Variants in HYDIN observed in about 807,000 individuals in gnomAD.
HYDIN encodes HYDIN axonemal central pair apparatus protein.
HYDIN carries 132 observed loss-of-function variants against 403.9 expected under a neutral mutation model. The observed-to-expected ratio is 0.33, with a 90% CI of 0.28 to 0.38. HYDIN has a LOEUF of 0.38. Among genes scored for constraint, HYDIN ranks in the 10% least tolerant of loss-of-function variants. HYDIN has a pLI of 1.00. For synonymous variants in HYDIN, 1,202 were observed against 1,891.7 expected, an observed-to-expected ratio of 0.64 and a Z score of 9.46; for missense variants, 2,827 against 5,009.5, an observed-to-expected ratio of 0.56 and a Z score of 13.15.
At chr16:70,808,626 A>C (rs2035257288) in intron 85 of HYDIN, among the ~76,000 whole-genome samples, 1 of 152,172 alleles carries the variant, frequency 6.6e-6, no homozygotes, top group Admixed American at 6.5e-5. Context: ...ACAAGCCTTC[A>C]TCTTAAGCCC....
intron 5 of HYDIN, among the ~76,000 whole-genome samples, chr16:71,170,063 G>A (rs996054825): frequency 2.6e-5 from 4 of 152,180 alleles, no homozygotes; most frequent in African/African-American, 2.4e-5. Context: ...CCCTGCTTCA[G>A]CCTATTCTCT....
chr16:71,209,077 G>T (rs2088447032), intron 1 of HYDIN, among the ~76,000 whole-genome samples: 1 of 151,594 alleles, frequency 6.6e-6, no homozygotes, highest in Non-Finnish European at 1.5e-5. Context: ...CCAAAACATG[G>T]CAGAGATACA....
chr16:71,011,310 G>T (rs1018317438), intron 23 of HYDIN, among the ~76,000 whole-genome samples: 1 of 152,152 alleles, frequency 6.6e-6, no homozygotes, highest in Non-Finnish European at 1.5e-5. Context: ...TGCAGCACAA[G>T]GTCACATGGC....
chr16:71,021,504 C>T (rs1369840462), intron 21 of HYDIN, among the ~76,000 whole-genome samples: 5 of 152,092 alleles, frequency 3.3e-5, no homozygotes, highest in Non-Finnish European at 5.9e-5. Context: ...TGTGAGCCAC[C>T]GCACCCGGCC....
At chr16:71,143,881 G>T (rs578133209) in intron 7 of HYDIN, among the ~76,000 whole-genome samples, 1 of 152,414 alleles carries the variant, frequency 6.6e-6, no homozygotes, top group South Asian at 2.1e-4. Context: ...CTATAAAGCT[G>T]CCGTGTGAAG....
At chr16:70,926,125 G>A (rs1461086955) in intron 45 of HYDIN, among the ~76,000 whole-genome samples, 1 of 148,196 alleles carries the variant, frequency 6.7e-6, no homozygotes, top group East Asian at 2.0e-4. Context: ...ATACCCAAAG[G>A]ACTATAAATC....
intron 1 of HYDIN, among the ~76,000 whole-genome samples, chr16:71,211,575 G>A (rs2088593496): frequency 6.7e-6 from 1 of 149,470 alleles, no homozygotes; most frequent in African/African-American, 2.5e-5. Flanking sequence ...CCGGGAGGCG[G>A]AGTTTGCAGT....
At chr16:71,013,938 T>TA (rs1285200989) in intron 23 of HYDIN, among the ~76,000 whole-genome samples, 1 of 103,942 alleles carries the variant, frequency 9.6e-6, no homozygotes, top group African/African-American at 4.1e-5. Flanking sequence ...TGGGAAGCCT[T>TA]AGCAAAAGAA....
At chr16:70,931,444 C>T (rs1798400) in intron 45 of HYDIN, among the ~76,000 whole-genome samples, 8 of 147,574 alleles carry the variant, frequency 5.4e-5, no homozygotes, top group South Asian at 2.1e-4. Context: ...TTGGCTGCTA[C>T]GCAACTGCTT....
chr16:71,126,125 T>C (rs113673460), intron 9 of HYDIN, among the ~76,000 whole-genome samples: 1 of 152,178 alleles, frequency 6.6e-6, no homozygotes, highest in African/African-American at 2.4e-5. Flanking sequence ...GGAACGCACA[T>C]GACCACCCCC....
chr16:71,139,661 G>C (rs2085091849), intron 7 of HYDIN, among the ~76,000 whole-genome samples: 1 of 151,736 alleles, frequency 6.6e-6, no homozygotes, highest in Non-Finnish European at 1.5e-5. Context: ...TGACAAATTA[G>C]TGAAATGGGA....
intron 75 of HYDIN, among the ~76,000 whole-genome samples, chr16:70,848,696 C>T (rs932249590): frequency 4.0e-5 from 4 of 99,468 alleles, no homozygotes; most frequent in Non-Finnish European, 8.1e-5. Flanking sequence ...GACACTCAGG[C>T]AGGCAGTTGC....
chr16:70,951,260 G>GAA (rs1280721267), intron 41 of HYDIN, among the ~76,000 whole-genome samples: 3 of 150,890 alleles, frequency 2.0e-5, no homozygotes, highest in Admixed American at 2.0e-4. Context: ...GAGAGAGAGA[G>GAA]AGAGAGAGAG....
At chr16:71,219,859 G>A (rs1318893775) in intron 1 of HYDIN, among the ~76,000 whole-genome samples, 1 of 152,178 alleles carries the variant, frequency 6.6e-6, no homozygotes, top group Non-Finnish European at 1.5e-5. Context: ...AAGTGCTTCT[G>A]CAGTGTTAAT....
rs1435343390 is a variant in HYDIN at position 70,908,315 on chromosome 16, C to G, written c.8333G>C (p.Cys2778Ser). Residue 2778 changes from cysteine to serine, a missense_variant, in exon 49 of 86, where the codon TGC becomes TCC. By Grantham distance (112) the Cys-to-Ser change is moderately radical (BLOSUM62 -1). Transcript: ENST00000393567. ...TCGGCAGTAGAGCTGGTACTGGCAGCAAGTTCCTAGGATCTCAAAGTTAAA... is the reference window on the plus strand; with the variant it reads ...TCGGCAGTAGAGCTGGTACTGGCAGGAAGTTCCTAGGATCTCAAAGTTAAA... Reference protein sequence around the residue: ...QTFNFEILGTCCQYQLYCRGI... With the variant: ...QTFNFEILGTSCQYQLYCRGI... 7.1e-7 allele frequency: 1 copy of G among 1,403,448 alleles called. No homozygotes were observed. The highest frequency in any genetic ancestry group is 1.4e-5 in the African/African-American group (1 of 70,844). The allele number at this position is 1,403,448 out of a possible 1,614,324, so 86.9% of individuals were successfully genotyped here.
chr16:70,831,629 A>C (rs2143507095), intron 80 of HYDIN, among the ~76,000 whole-genome samples: 1 of 140,120 alleles, frequency 7.1e-6, no homozygotes, highest in African/African-American at 2.7e-5. Context: ...CAAGTGAAGG[A>C]AGTGTTTGCA....
chr16:70,970,402 T>C (rs1351976710), intron 36 of HYDIN, 118 bp downstream of exon 36: 2 of 600,200 alleles, frequency 3.3e-6, no homozygotes, highest in African/African-American at 3.8e-5. Flanking sequence ...TTTACTCAGG[T>C]CAAGGGAAGT....
At chr16:70,940,948 G>C (rs1393744872) in intron 43 of HYDIN, among the ~76,000 whole-genome samples, 1 of 151,656 alleles carries the variant, frequency 6.6e-6, no homozygotes, top group Admixed American at 6.5e-5. Flanking sequence ...CCTGCCCTGG[G>C]GGGCCAAGAT....
intron 1 of HYDIN, among the ~76,000 whole-genome samples, chr16:71,205,291 T>G (rs2088234576): frequency 6.6e-6 from 1 of 152,188 alleles, no homozygotes; most frequent in Non-Finnish European, 1.5e-5. Flanking sequence ...GGAGCAAAGC[T>G]GCGCACCAGC....
Sources: gnomAD v4.1 joint callset for allele counts (sites outside exome capture counted in the v4.1 genomes callset) on GRCh38, gnomAD v4.1.1 for gene constraint, MANE v1.5 for transcripts, NCBI Gene and HGNC (gene_info 2026-07-23, HGNC 2026-07-21) for gene names.